The following NELL2 variants were observed in gnomAD, a reference collection of about 807,000 sequenced individuals.
NELL2 encodes the protein neural EGFL like 2.
Under a neutral mutation model 109.6 loss-of-function variants are expected in NELL2, and 41 were observed. The observed-to-expected ratio is 0.37, with a 90% CI of 0.29 to 0.49. The LOEUF is 0.49. Ranked by LOEUF, NELL2 falls within the 20% of genes least tolerant of loss-of-function variation. NELL2 has a pLI of 0.98. For missense variants in NELL2, 900 were observed against 1,008.3 expected (o/e 0.89, Z 1.45); for synonymous variants, 355 against 344.7 (o/e 1.03, Z -0.33).
chr12:44,556,466 C>T (rs1592112615), intron 15 of NELL2, among the ~76,000 whole-genome samples: 1 of 152,100 alleles, frequency 6.6e-6, no homozygotes, highest in African/African-American at 2.4e-5. Context: ...GGTCATCAGT[C>T]CAATGGTACT....
At chr12:44,897,814 A>T (rs2658986) in intron 1 of NELL2, among the ~76,000 whole-genome samples, 3,694 of 151,790 alleles carry the variant, frequency 0.024, 165 homozygotes, top group African/African-American at 0.084. Flanking sequence ...AGCCAAGTGG[A>T]CTTGCTCAGT....
intron 13 of NELL2, among the ~76,000 whole-genome samples, chr12:44,617,774 G>T (rs904659751): frequency 2.0e-5 from 3 of 150,936 alleles, no homozygotes; most frequent in African/African-American, 7.3e-5. Flanking sequence ...GCAACAATAA[G>T]GACACTTAAG....
chr12:44,825,779 C>G (rs930219455), intron 2 of NELL2, among the ~76,000 whole-genome samples: 3 of 151,158 alleles, frequency 2.0e-5, no homozygotes, highest in Non-Finnish European at 4.4e-5. Context: ...GGCCCGGTGA[C>G]TCATGCCTGT....
intron 9 of NELL2, among the ~76,000 whole-genome samples, chr12:44,726,561 A>G (rs2136464124): frequency 6.6e-6 from 1 of 152,286 alleles, no homozygotes; most frequent in Non-Finnish European, 1.5e-5. Flanking sequence ...AAATACAATG[A>G]TTTGCCAATG....
intron 16 of NELL2, among the ~76,000 whole-genome samples, chr12:44,524,707 C>T (rs1941688729): frequency 6.6e-6 from 1 of 151,818 alleles, no homozygotes; most frequent in Admixed American, 6.6e-5. Context: ...TTATTAGTTC[C>T]CACTTCAACA....
intron 15 of NELL2, among the ~76,000 whole-genome samples, chr12:44,551,457 G>A (rs1297796538): frequency 1.3e-5 from 2 of 152,130 alleles, no homozygotes; most frequent in Non-Finnish European, 2.9e-5. Flanking sequence ...AGTAAAGAAA[G>A]TTCATTAGCA....
chr12:44,592,424 A>G (rs1359147320), intron 15 of NELL2, among the ~76,000 whole-genome samples: 2 of 152,204 alleles, frequency 1.3e-5, no homozygotes, highest in African/African-American at 4.8e-5. Flanking sequence ...TTCTTTGGGT[A>G]GAGAAAGTGA....
chr12:44,860,857 A>G (rs868057705), intron 2 of NELL2, among the ~76,000 whole-genome samples: 6 of 152,292 alleles, frequency 3.9e-5, no homozygotes, highest in South Asian at 4.1e-4. Context: ...CCTGACCCCC[A>G]AAGATTCACA....
At chr12:44,642,515 A>AC (rs914767833) in intron 13 of NELL2, among the ~76,000 whole-genome samples, 16 of 152,196 alleles carry the variant, frequency 1.1e-4, no homozygotes, top group African/African-American at 3.9e-4. Flanking sequence ...AGTTTTAGTT[A>AC]CCCAAAAACA....
intron 1 of NELL2, chr12:44,913,727 T>A: frequency 1.7e-6 from 1 of 587,028 alleles, no homozygotes. Flanking sequence ...CAGGTCACTA[T>A]ACCCTCCTTA....
chr12:44,704,754 C>T (rs1030499732), intron 11 of NELL2, among the ~76,000 whole-genome samples: 2 of 152,020 alleles, frequency 1.3e-5, no homozygotes, highest in Admixed American at 6.6e-5. Context: ...CATGGTGGCT[C>T]ACACCTGTAA....
At chr12:44,821,788 G>T (rs1943551000) in intron 2 of NELL2, among the ~76,000 whole-genome samples, 1 of 151,896 alleles carries the variant, frequency 6.6e-6, no homozygotes, top group Admixed American at 6.6e-5. Context: ...TGCAATCTCG[G>T]CTCACTGCAA....
intron 15 of NELL2, among the ~76,000 whole-genome samples, chr12:44,546,714 A>T (rs1942809021): frequency 6.6e-6 from 1 of 152,200 alleles, no homozygotes; most frequent in Non-Finnish European, 1.5e-5. Context: ...TTTCATGATC[A>T]ATCAGATCAG....
At chr12:44,640,192 G>A (rs892483462) in intron 13 of NELL2, among the ~76,000 whole-genome samples, 2 of 152,090 alleles carry the variant, frequency 1.3e-5, no homozygotes, top group Non-Finnish European at 2.9e-5. Flanking sequence ...CCTTTCAAAC[G>A]ATGATGATCA....
At chr12:44,722,635 G>C (rs1026068634) in intron 9 of NELL2, among the ~76,000 whole-genome samples, 1 of 152,154 alleles carries the variant, frequency 6.6e-6, no homozygotes, top group East Asian at 1.9e-4. Flanking sequence ...TTCACACAGA[G>C]GAGTGTTTGA....
At chr12:44,640,886 T>C (rs1946829894) in intron 13 of NELL2, among the ~76,000 whole-genome samples, 3 of 152,188 alleles carry the variant, frequency 2.0e-5, no homozygotes, top group African/African-American at 7.2e-5. Context: ...TAACTGAAGA[T>C]GTTAAAACTT....
intron 9 of NELL2, among the ~76,000 whole-genome samples, chr12:44,759,184 T>G (rs1240752448): frequency 6.6e-6 from 1 of 152,148 alleles, no homozygotes; most frequent in East Asian, 1.9e-4. Flanking sequence ...CTTGCTCACT[T>G]TCCTCCCTCC....
chr12:44,685,086 A>G (rs1948668353), intron 12 of NELL2, among the ~76,000 whole-genome samples: 1 of 152,070 alleles, frequency 6.6e-6, no homozygotes, highest in South Asian at 2.1e-4. Flanking sequence ...GACTTGCTTT[A>G]TGAATCTGGG....
chr12:44,542,621 T>TG (rs1942627892), intron 15 of NELL2, among the ~76,000 whole-genome samples: 1 of 152,148 alleles, frequency 6.6e-6, no homozygotes. Context: ...ATCCAGTGAC[T>TG]GGTGTTTTCG....
Sources: allele counts gnomAD v4.1 joint callset (sites outside exome capture counted in the v4.1 genomes callset), GRCh38; gene constraint gnomAD v4.1.1; transcripts MANE v1.5; gene names NCBI Gene and HGNC (gene_info 2026-07-23, HGNC 2026-07-21).